Variants in PRRC2A observed in about 807,000 individuals in gnomAD.
PRRC2A encodes the protein protein PRRC2A.
In PRRC2A, 59 loss-of-function variants were observed where a neutral mutation model predicts 224.6. That is an observed-to-expected ratio of 0.26 (90% CI 0.21 to 0.33). The LOEUF (loss-of-function observed/expected upper bound fraction) is 0.33. PRRC2A is among the 10% of genes least tolerant of loss of function. The probability of loss-of-function intolerance (pLI) is 1.00; values close to 1 mark genes in which losing one functional copy is unlikely to be tolerated. For synonymous variants in PRRC2A, 1,194 were observed against 1,109.5 expected (o/e 1.08, Z -1.51); for missense variants, 3,095 against 2,880.7 (o/e 1.07, Z -1.70).
chr6:31,630,565 T>A lies in PRRC2A; in HGVS notation c.2255-26T>A, dbSNP rs12205407. The stretch of plus-strand genomic sequence containing the variant: ...AGGGCTTGTGACATGAATAGGATTA[T>A]TTTTCTTTTTCTTTGGTTTCTTCAG... On this transcript the variant is annotated intron_variant, in intron 14 of 30. Coordinates refer to ENST00000376033, the MANE Select transcript of PRRC2A (RefSeq NM_004638.4). 8.0e-3 allele frequency: 12,923 copies of A among 1,612,474 alleles called. 76 individuals are homozygous for A. Among genetic ancestry groups the A allele is most frequent in the Non-Finnish European group, 9.4e-3 (11,107 of 1,178,760 alleles).
chr6:31,635,039 T>C, intron 21 of PRRC2A, 62 bp downstream of exon 21: 3 of 1,598,482 alleles, frequency 1.9e-6, no homozygotes, highest in Non-Finnish European at 1.7e-6. Flanking sequence ...CCCTACCTTT[T>C]TCTGCTTTTT....
Position 31,636,601 on chromosome 6 carries a change from C to T in PRRC2A, c.5927C>T (p.Ala1976Val), listed in dbSNP as rs781595847. 1.9e-6 allele frequency: 3 copies of T among 1,600,756 alleles called. No homozygotes were observed. The highest frequency in any genetic ancestry group is 1.7e-5 in the Admixed American group (1 of 58,616). ...GGCTTTCTCCCTTCAGGGGCTCCTG[C>T]CCAGCAGGTATATTGTATCTTCACA... ...QSGFLPSGAP[A>V]QQMLLPMVDS... The change falls in exon 27 of 31, where the codon GCC becomes GTC. Residue 1976 changes from alanine to valine, a missense_variant. By Grantham distance (64) the Ala-to-Val change is moderately conservative (BLOSUM62 0). Around this residue, in one of 8 missense-constraint regions of PRRC2A, gnomAD observed 662 missense variants for 609.5 expected, o/e 1.09. Coordinates refer to ENST00000376033, the MANE Select transcript of PRRC2A (RefSeq NM_004638.4). The surrounding 1 kb of genome is among the most constrained non-coding windows in gnomAD (Gnocchi z 4.3).
chr6:31,632,590 C>G lies in PRRC2A; in HGVS notation c.3917C>G (p.Ser1306Cys). The G allele has an allele frequency of 6.2e-7, 1 of 1,613,048 alleles. No homozygotes were observed. Among genetic ancestry groups the G allele is most frequent in the Non-Finnish European group, 8.5e-7 (1 of 1,180,004 alleles). The change falls in exon 16 of 31, where the codon TCT becomes TGT. Residue 1306 changes from serine to cysteine, a missense_variant. This residue lies in a region of PRRC2A where 2,001 missense variants were observed against 1,764.9 expected (regional missense o/e 1.13). Coordinates refer to ENST00000376033, the MANE Select transcript of PRRC2A (RefSeq NM_004638.4). Reference sequence around the variant, plus strand: ...GCACCTCGCCGGGCAGCTGCCAAGTCTCCTGATCTGTCAAACCAGAACTCA... The same window carrying G: ...GCACCTCGCCGGGCAGCTGCCAAGTGTCCTGATCTGTCAAACCAGAACTCA... The part of the protein sequence containing the change: ...APAPRRAAAK[S>C]PDLSNQNSDQ...
At position 31,627,868 on chromosome 6, in the gene PRRC2A, A is replaced by T; in HGVS notation, c.1394A>T (p.Glu465Val). 6.2e-7 allele frequency: 1 copy of T among 1,613,054 alleles called. No individual in the cohort carries two copies. Among genetic ancestry groups the T allele is most frequent in the Non-Finnish European group, 8.5e-7 (1 of 1,180,024 alleles). The change falls in exon 12 of 31, where the codon GAG becomes GTG. Residue 465 changes from glutamate (E) to valine (V), a missense_variant. By Grantham distance (121) the Glu-to-Val change is moderately radical. Around this residue, in one of 8 missense-constraint regions of PRRC2A, gnomAD observed 2,001 missense variants for 1,764.9 expected, o/e 1.13. Transcript: ENST00000376033. This position sits in a 1 kb window ranked among gnomAD's most constrained non-coding sequence, Gnocchi z 5.6. ...QSSSEISLAV[E>V]RARRRREEEE... ...TCATCTGAGATTTCCCTGGCAGTGG[A>T]GCGGGCCCGGCGACGGCGAGAAGAA...
Position 31,622,847 on chromosome 6 carries a change from C to G in PRRC2A, c.58C>G (p.Leu20Val). The part of the protein sequence containing the change: ...KGKDGKKYSS[L>V]NLFDTYKGKS... Reference sequence around the variant, plus strand: ...AAAGGATGGAAAGAAGTATTCCTCGCTCAACCTGTTTGATACGTATAAGGG... The same window carrying G: ...AAAGGATGGAAAGAAGTATTCCTCGGTCAACCTGTTTGATACGTATAAGGG... Residue 20 changes from leucine (L) to valine (V), a missense_variant, in exon 2 of 31, where the codon CTC becomes GTC. By Grantham distance (32) the Leu-to-Val change is conservative. Around this residue, in one of 8 missense-constraint regions of PRRC2A, gnomAD observed 64 missense variants for 68.2 expected, o/e 0.94. Transcript: ENST00000376033. 1 of 1,614,098 alleles carries G rather than the reference C, an allele frequency of 6.2e-7. No individual in the cohort carries two copies. The highest frequency in any genetic ancestry group is 8.5e-7 in the Non-Finnish European group (1 of 1,180,014).
chr6:31,621,190 C>A (rs1775236212), intron 1 of PRRC2A, among the ~76,000 whole-genome samples: 1 of 112,422 alleles, frequency 8.9e-6, no homozygotes, highest in South Asian at 3.1e-4. Flanking sequence ...TGTGGGCCCC[C>A]TCCCCGGCTG....
chr6:31,632,337 G>T lies in PRRC2A; in HGVS notation c.3664G>T (p.Ala1222Ser), dbSNP rs370549598. ...KLIPGPLSPV[A>S]RGGSNGGSNV... is the part of the protein sequence containing the mutation. ...GATCCCAGGGCCTCTGTCCCCTGTG[G>T]CGCGCGGAGGCAGCAATGGAGGTAG... The change falls in exon 16 of 31, where the codon GCG becomes TCG. Residue 1222 changes from alanine (A) to serine (S), a missense_variant. Ala to Ser is a moderately conservative substitution (Grantham distance 99). Coordinates refer to ENST00000376033, the MANE Select transcript of PRRC2A (RefSeq NM_004638.4). 1 of 1,613,312 alleles carries T rather than the reference G, an allele frequency of 6.2e-7. No homozygotes were observed. The highest frequency in any genetic ancestry group is 8.5e-7 in the Non-Finnish European group (1 of 1,180,012).
At chr6:31,621,146 C>T (rs1162959016) in intron 1 of PRRC2A, among the ~76,000 whole-genome samples, 3 of 152,198 alleles carry the variant, frequency 2.0e-5, no homozygotes, top group African/African-American at 4.8e-5. Context: ...TAACTCCCTA[C>T]CCTCCGCTGC....
chr6:31,632,280 C>T lies in PRRC2A; in HGVS notation c.3607C>T (p.Pro1203Ser). ...CAAGAAACCTCCCACAGGCCCTTTG[C>T]CACCAAGTAAGGAGCCTTTGAAAGA... ...APKKPPTGPL[P>S]PSKEPLKEKL... is the part of the protein sequence containing the mutation. The change falls in exon 16 of 31, where the codon CCA (proline) becomes TCA (serine). Residue 1203 changes from proline to serine, a missense_variant. Pro to Ser is a moderately conservative substitution (Grantham distance 74). This residue lies in a region of PRRC2A where 2,001 missense variants were observed against 1,764.9 expected (regional missense o/e 1.13). Transcript: ENST00000376033. 6.2e-7 allele frequency: 1 copy of T among 1,613,150 alleles called. No individual in the cohort carries two copies. Among genetic ancestry groups the T allele is most frequent in the Non-Finnish European group, 8.5e-7 (1 of 1,180,010 alleles).
chr6:31,628,077 C>A lies in PRRC2A; in HGVS notation c.1603C>A (p.Pro535Thr). Reference protein sequence around the residue: ...PKELPAPPAPPPASAPTPETE... With the variant: ...PKELPAPPAPTPASAPTPETE... ...AGAACTCCCTGCACCTCCAGCTCCA[C>A]CTCCAGCATCAGCCCCAACACCAGA... is the stretch of plus-strand genomic sequence containing the variant. Residue 535 changes from proline (P) to threonine (T), a missense_variant, in exon 12 of 31, where the codon CCT becomes ACT. Transcript: ENST00000376033. 1 of 1,613,090 alleles carries A rather than the reference C, an allele frequency of 6.2e-7. No homozygotes were observed. Among genetic ancestry groups the A allele is most frequent in the African/African-American group, 1.3e-5 (1 of 75,052 alleles).
intron 5 of PRRC2A, 49 bp downstream of exon 5, chr6:31,624,571 C>G (rs759824700): frequency 6.5e-7 from 1 of 1,548,250 alleles, no homozygotes; most frequent in Non-Finnish European, 8.9e-7. Flanking sequence ...CCATGGGATG[C>G]ATGAACCCTG....
In PRRC2A at chr6:31,634,354, G is replaced by C. The variant is rs760310035; in HGVS notation, c.4838G>C (p.Arg1613Pro). The C allele has an allele frequency of 6.2e-7, 1 of 1,612,890 alleles. No individual in the cohort carries two copies. The highest frequency in any genetic ancestry group is 2.2e-5 in the East Asian group (1 of 44,878). The stretch of plus-strand genomic sequence containing the variant: ...GCCCTGACCCCTCACATCTGGAACC[G>C]TTTACATACTGGTGAGTAAAGCTGA... ...TEALTPHIWN[R>P]LHTATSRKSY... The change falls in exon 19 of 31, where the codon CGT becomes CCT. Residue 1613 changes from arginine (R) to proline (P), a missense_variant. This residue lies in a region of PRRC2A where 2,001 missense variants were observed against 1,764.9 expected (regional missense o/e 1.13). Transcript: ENST00000376033.
chr6:31,633,777 A>C (rs1304583042), intron 17 of PRRC2A, 82 bp from the exon 18 acceptor site: 4 of 1,531,538 alleles, frequency 2.6e-6, no homozygotes, highest in Non-Finnish European at 3.5e-6. Context: ...CAAGGGTAGA[A>C]GAATTGGGAG....
intron 14 of PRRC2A, among the ~76,000 whole-genome samples, chr6:31,630,232 G>T (rs553740014): frequency 5.3e-5 from 8 of 152,212 alleles, no homozygotes; most frequent in Non-Finnish European, 8.8e-5. Flanking sequence ...CAGGAGAAAC[G>T]CTTGAACCCA....
At chr6:31,621,192 C>G (rs1334493420) in intron 1 of PRRC2A, among the ~76,000 whole-genome samples, 1 of 101,030 alleles carries the variant, frequency 9.9e-6, no homozygotes, top group African/African-American at 3.5e-5. Flanking sequence ...TGGGCCCCCT[C>G]CCCGGCTGCC....
Position 31,636,457 on chromosome 6 carries a change from G to A in PRRC2A, c.5835+38G>A, listed in dbSNP as rs763045420. 6.2e-7 allele frequency: 1 copy of A among 1,610,572 alleles called. No homozygotes were observed. Among genetic ancestry groups the A allele is most frequent in the South Asian group, 1.1e-5 (1 of 91,066 alleles). The stretch of plus-strand genomic sequence containing the variant: ...CAGGTATTAGATATTGGGGGATAGG[G>A]TAGGGAGAATGATTTTGTGGGGGTT... On this transcript the variant is annotated intron_variant, in intron 26 of 30. Coordinates refer to ENST00000376033, the MANE Select transcript of PRRC2A (RefSeq NM_004638.4). This position sits in a 1 kb window ranked among gnomAD's most constrained non-coding sequence, Gnocchi z 4.3.
At chr6:31,623,665 C>A in intron 2 of PRRC2A, 67 bp from the exon 3 acceptor site, 1 of 1,529,162 alleles carries the variant, frequency 6.5e-7, no homozygotes, top group Non-Finnish European at 9.0e-7. Flanking sequence ...AAATGTGTCC[C>A]AGGATAGGAG....
rs1776814119 is a variant in PRRC2A at position 31,632,825 on chromosome 6, C to T, written c.4152C>T (p.Ser1384=). 6.2e-7 allele frequency: 1 copy of T among 1,613,150 alleles called. No homozygotes were observed. The highest frequency in any genetic ancestry group is 1.3e-5 in the African/African-American group (1 of 75,038). ...GAGCCAAGGATTTGAGTAAACGGAG[C>T]TTCTCAAGTCAGCGGCCAGGCATGG... ...SQRAKDLSKR[S]FSSQRPGMER... Residue 1384 remains serine (S), a synonymous_variant, in exon 16 of 31, where the codon AGC becomes AGT. Coordinates refer to ENST00000376033, the MANE Select transcript of PRRC2A (RefSeq NM_004638.4).
rs746680541 is a variant in PRRC2A at position 31,630,989 on chromosome 6, G to A, written c.2466-150G>A. 1.7e-4 allele frequency: 204 copies of A among 1,202,574 alleles called. 1 individual carries two copies. The highest frequency in any genetic ancestry group is 3.2e-4 in the African/African-American group (21 of 65,188). 74.5% of individuals were successfully genotyped at this position (1,202,574 alleles called of 1,614,324 possible). On this transcript the variant is annotated intron_variant, in intron 15 of 30. Coordinates refer to ENST00000376033, the MANE Select transcript of PRRC2A (RefSeq NM_004638.4). ...GAAGATTGCTTGAGCCCAGCAGTTC[G>A]AGACTAGCCTCGGCAACTGGATGCC...
Sources: gnomAD v4.1 joint callset for allele counts (sites outside exome capture counted in the v4.1 genomes callset) on GRCh38, gnomAD v4.1.1 for gene constraint, gnomAD v4.1.1 regional missense constraint, Gnocchi (gnomAD v3.1) non-coding constraint, MANE v1.5 for transcripts, NCBI Gene and HGNC (gene_info 2026-07-23, HGNC 2026-07-21) for gene names.